The following TMEM150C variants were observed in gnomAD, a reference collection of about 807,000 sequenced individuals.
The protein encoded by TMEM150C is tentonin 3.
TMEM150C carries 10 observed loss-of-function variants against 29.9 expected under a neutral mutation model. The ratio of observed to expected loss-of-function variants is 0.33; its 90% CI spans 0.21 to 0.57. TMEM150C has a LOEUF of 0.57. TMEM150C is among the 20% of genes least tolerant of loss of function. The pLI, the probability that TMEM150C is intolerant of heterozygous loss-of-function variation, is 0.88. For synonymous variants in TMEM150C, 101 were observed against 112.5 expected, an observed-to-expected ratio of 0.90 and a Z score of 0.64; for missense variants, 251 against 303.6, an observed-to-expected ratio of 0.83 and a Z score of 1.29.
At chr4:82,491,105 C>G in intron 6 of TMEM150C, 1 of 703,042 alleles carries the variant, frequency 1.4e-6, no homozygotes, top group Non-Finnish European at 2.6e-6. Context: ...TTTTACGACA[C>G]AGGGCAGGCA....
At chr4:82,511,497 T>C (rs1004605737) in intron 1 of TMEM150C, among the ~76,000 whole-genome samples, 19 of 144,052 alleles carry the variant, frequency 1.3e-4, no homozygotes, top group Non-Finnish European at 2.4e-4. Context: ...TTTTTTGAGA[T>C]AGGGTTTCAC....
In TMEM150C at chr4:82,496,102, G is replaced by A; in HGVS notation, c.329C>T (p.Ala110Val). 1 of 1,613,950 alleles carries A rather than the reference G, an allele frequency of 6.2e-7. No homozygotes were observed. The highest frequency in any genetic ancestry group is 1.3e-5 in the African/African-American group (1 of 75,036). Reference protein sequence around the residue: ...NISGLVALCLASFGMTLLGNF... With the variant: ...NISGLVALCLVSFGMTLLGNF... ...ACCAAGTAAGGTCATTCCGAAGGAA[G>A]CCAGACACAGAGCCACCAATCCACT... The change falls in exon 6 of 8, where the codon GCT (alanine) becomes GTT (valine). Residue 110 changes from alanine to valine, a missense_variant. Coordinates refer to ENST00000449862, the MANE Select transcript of TMEM150C (RefSeq NM_001080506.3).
intron 1 of TMEM150C, among the ~76,000 whole-genome samples, chr4:82,505,654 C>T (rs1723894670): frequency 6.6e-6 from 1 of 152,060 alleles, no homozygotes; most frequent in Admixed American, 6.6e-5. Flanking sequence ...GAGCAGCAAT[C>T]GCAGGAGACT....
intron 1 of TMEM150C, among the ~76,000 whole-genome samples, chr4:82,528,610 T>A (rs1724734483): frequency 6.6e-6 from 1 of 151,348 alleles, no homozygotes; most frequent in African/African-American, 2.4e-5. Flanking sequence ...CGTCCCTTTT[T>A]TTTTTTTTTT....
rs185797204 is a variant in TMEM150C at position 82,530,960 on chromosome 4, G to T, written c.-10-26293C>A. Among the ~76,000 whole-genome samples the T allele has an allele frequency of 5.3e-5, 8 of 152,226 alleles. No homozygotes were observed. In the East Asian group the frequency reaches 1.5e-3, roughly 29 times the overall value. ...AACTCTATCCTGAGACAGCACTAGG[G>T]AGATGGTGCTAAACCATTAGAAACA... On this transcript the variant is annotated intron_variant, in intron 1 of 7. Transcript: ENST00000449862.
chr4:82,528,219 T>C (rs1464785239), intron 1 of TMEM150C, among the ~76,000 whole-genome samples: 1 of 152,238 alleles, frequency 6.6e-6, no homozygotes, highest in African/African-American at 2.4e-5. Context: ...GCAGCACTGA[T>C]GCTGGGCCAT....
chr4:82,512,558 A>C (rs998907999), intron 1 of TMEM150C, among the ~76,000 whole-genome samples: 1 of 152,184 alleles, frequency 6.6e-6, no homozygotes, highest in Non-Finnish European at 1.5e-5. Flanking sequence ...CCAATGGAAA[A>C]TGAATGAAGG....
intron 1 of TMEM150C, among the ~76,000 whole-genome samples, chr4:82,514,967 G>C (rs1724246135): frequency 6.6e-6 from 1 of 152,132 alleles, no homozygotes; most frequent in Admixed American, 6.5e-5. Context: ...TTTCACTCTA[G>C]CTAATACATT....
intron 1 of TMEM150C, among the ~76,000 whole-genome samples, chr4:82,525,110 A>G (rs1224997177): frequency 1.3e-5 from 2 of 152,228 alleles, no homozygotes; most frequent in Non-Finnish European, 2.9e-5. Flanking sequence ...GTGACCATAC[A>G]AAGAACACTT....
chr4:82,544,691 A>G (rs1436402617), intron 1 of TMEM150C, among the ~76,000 whole-genome samples: 1 of 151,296 alleles, frequency 6.6e-6, no homozygotes, highest in African/African-American at 2.5e-5. Flanking sequence ...AGGTAGGAGG[A>G]TGGCTTGAGC....
chr4:82,507,740 T>C (rs1477155098), intron 1 of TMEM150C, among the ~76,000 whole-genome samples: 2 of 38,198 alleles, frequency 5.2e-5, no homozygotes, highest in Non-Finnish European at 8.7e-5. Context: ...TTTTTTTTTT[T>C]TTTTTTTTTT....
At chr4:82,492,668 C>T (rs1269675085) in intron 6 of TMEM150C, among the ~76,000 whole-genome samples, 1 of 149,596 alleles carries the variant, frequency 6.7e-6, no homozygotes, top group Non-Finnish European at 1.5e-5. Flanking sequence ...ACTTAAAACT[C>T]TTTTTGTATT....
At chr4:82,494,855 A>G in intron 6 of TMEM150C, 1 of 452,650 alleles carries the variant, frequency 2.2e-6, no homozygotes, top group Non-Finnish European at 4.3e-6. Context: ...GACTAGATTC[A>G]GACTTAGAAG....
At chr4:82,558,169 A>T (rs2110095965) in intron 1 of TMEM150C, among the ~76,000 whole-genome samples, 1 of 152,238 alleles carries the variant, frequency 6.6e-6, no homozygotes, top group South Asian at 2.1e-4. Flanking sequence ...ATATGGGGAG[A>T]AAATTCAGAA....
intron 1 of TMEM150C, among the ~76,000 whole-genome samples, chr4:82,555,063 A>G (rs943086288): frequency 7.2e-5 from 11 of 152,372 alleles, no homozygotes; most frequent in Admixed American, 1.3e-4. Context: ...GATTACATTA[A>G]GTTTGACCTT....
At chr4:82,527,205 G>A (rs1724684171) in intron 1 of TMEM150C, among the ~76,000 whole-genome samples, 1 of 151,694 alleles carries the variant, frequency 6.6e-6, no homozygotes. Flanking sequence ...CGGTGAGAAT[G>A]GACACAAGAG....
rs935296170 is a variant in TMEM150C, at chr4:82,483,205, C to T, written c.*2306G>A. On this transcript the variant is annotated 3_prime_UTR_variant, in exon 8 of 8. Coordinates refer to ENST00000449862, the MANE Select transcript of TMEM150C (RefSeq NM_001080506.3). ...GCATAAAAGAATTTTATTTAGTGGC[C>T]AGATCCCAATGAATAATGTCAGTCA... The T allele has an allele frequency of 6.6e-6, 1 of 151,964 alleles. No individual in the cohort carries two copies. The highest frequency in any genetic ancestry group is 1.5e-5 in the Non-Finnish European group (1 of 68,012). 9.4% of individuals were successfully genotyped at this position (151,964 alleles called of 1,614,324 possible).
intron 6 of TMEM150C, among the ~76,000 whole-genome samples, chr4:82,493,128 G>T (rs1723427117): frequency 6.6e-6 from 1 of 151,186 alleles, no homozygotes; most frequent in African/African-American, 2.4e-5. Flanking sequence ...CAGATGTTTT[G>T]TTGTTTGACA....
intron 1 of TMEM150C, among the ~76,000 whole-genome samples, chr4:82,540,150 T>C (rs1266074645): frequency 9.4e-6 from 1 of 106,744 alleles, no homozygotes; most frequent in African/African-American, 5.3e-5. Flanking sequence ...TTTTTTTTTT[T>C]TTTGAGACAA....
Sources: allele counts gnomAD v4.1 joint callset (sites outside exome capture counted in the v4.1 genomes callset), GRCh38; gene constraint gnomAD v4.1.1; transcripts MANE v1.5; gene names NCBI Gene and HGNC (gene_info 2026-07-23, HGNC 2026-07-21).